The following CNBD1 variants were observed in gnomAD, a reference collection of about 807,000 sequenced individuals.
CNBD1 encodes cyclic nucleotide-binding domain-containing protein 1.
Under a neutral mutation model 54.4 loss-of-function variants are expected in CNBD1, and 71 were observed. The ratio of observed to expected loss-of-function variants is 1.30; its 90% CI spans 1.08 to 1.59. The LOEUF is 1.59. Among genes scored for constraint, CNBD1 ranks in the 40% most tolerant of loss-of-function variants. CNBD1 has a pLI of 0.00. For synonymous variants in CNBD1, 182 were observed against 170.7 expected (o/e 1.07, Z -0.51); for missense variants, 659 against 518.0 (o/e 1.27, Z -2.64).
At chr8:87,318,364 A>T (rs1809445024) in intron 8 of CNBD1, among the ~76,000 whole-genome samples, 1 of 152,098 alleles carries the variant, frequency 6.6e-6, no homozygotes, top group Admixed American at 6.6e-5. Flanking sequence ...ACTCAGCAAC[A>T]ATTTTATATG....
intron 2 of CNBD1, among the ~76,000 whole-genome samples, chr8:87,424,833 C>A (rs1205491200): frequency 6.6e-6 from 1 of 152,088 alleles, no homozygotes; most frequent in East Asian, 1.9e-4. Context: ...ATCTTTGTGG[C>A]ATTCTCTGTA....
intron 2 of CNBD1, among the ~76,000 whole-genome samples, chr8:87,425,835 G>T (rs1292532288): frequency 6.6e-6 from 1 of 152,080 alleles, no homozygotes; most frequent in Non-Finnish European, 1.5e-5. Context: ...CTTGAGCTGT[G>T]GTGGGCTCCA....
intron 4 of CNBD1, among the ~76,000 whole-genome samples, chr8:87,139,574 C>T (rs563121612): frequency 1.3e-5 from 2 of 152,254 alleles, no homozygotes; most frequent in African/African-American, 4.8e-5. Flanking sequence ...GAACAGCCAC[C>T]TTGACTGCTG....
At chr8:87,244,046 CCATGAA>C (rs1267968131) in intron 6 of CNBD1, among the ~76,000 whole-genome samples, 1 of 151,986 alleles carries the variant, frequency 6.6e-6, no homozygotes, top group African/African-American at 2.4e-5. Flanking sequence ...ACATGCGCAC[CCATGAA>C]CAGCCTCAGG....
chr8:87,218,011 T>C (rs776821776), intron 5 of CNBD1, among the ~76,000 whole-genome samples: 1 of 152,104 alleles, frequency 6.6e-6, no homozygotes, highest in African/African-American at 2.4e-5. Flanking sequence ...TTTGGTGGTA[T>C]AGGTGCTTTG....
At chr8:87,213,255 G>A (rs924405725) in intron 5 of CNBD1, among the ~76,000 whole-genome samples, 15 of 152,210 alleles carry the variant, frequency 9.9e-5, no homozygotes, top group Admixed American at 2.6e-4. Flanking sequence ...GGGATTGTAA[G>A]ATGAAGCCAC....
At chr8:86,961,365 A>C (rs576398369) in intron 4 of CNBD1, among the ~76,000 whole-genome samples, 4 of 152,224 alleles carry the variant, frequency 2.6e-5, no homozygotes, top group Non-Finnish European at 4.4e-5. Flanking sequence ...GCCAAACAGC[A>C]CCAAAGGAGA....
intron 4 of CNBD1, among the ~76,000 whole-genome samples, chr8:87,204,267 G>T (rs1813923804): frequency 6.6e-6 from 1 of 152,132 alleles, no homozygotes; most frequent in Non-Finnish European, 1.5e-5. Context: ...AGGTTATGTT[G>T]TAGACATTGT....
intron 4 of CNBD1, among the ~76,000 whole-genome samples, chr8:87,099,034 C>CAAAAAAAAAAAAAA (rs11402011): frequency 4.3e-5 from 1 of 23,064 alleles, no homozygotes. Context: ...GACTGTGTCT[C>CAAAAAAAAAAAAAA]AAAAAAAAAA....
At chr8:87,372,551 G>A (rs1428313487) in intron 10 of CNBD1, among the ~76,000 whole-genome samples, 1 of 151,856 alleles carries the variant, frequency 6.6e-6, no homozygotes. Context: ...CCAAGATTAA[G>A]TTCTTAGAAG....
chr8:87,028,106 GGGT>G (rs1464432955), intron 4 of CNBD1, among the ~76,000 whole-genome samples: 1 of 152,116 alleles, frequency 6.6e-6, no homozygotes, highest in African/African-American at 2.4e-5. Flanking sequence ...GAAACAGCCA[GGGT>G]GCATTCCTCT....
At chr8:87,261,488 C>T (rs908164755) in intron 6 of CNBD1, among the ~76,000 whole-genome samples, 1 of 148,200 alleles carries the variant, frequency 6.7e-6, no homozygotes, top group Non-Finnish European at 1.5e-5. Context: ...TTCACAGAGA[C>T]TCCAGCCCAG....
At chr8:87,174,270 T>G (rs1035220055) in intron 4 of CNBD1, among the ~76,000 whole-genome samples, 4 of 152,134 alleles carry the variant, frequency 2.6e-5, no homozygotes, top group African/African-American at 9.7e-5. Context: ...TTTTTTATTC[T>G]TTTTTCTTTT....
chr8:87,407,184 T>C (rs916952686), intron 2 of CNBD1, among the ~76,000 whole-genome samples: 1 of 152,112 alleles, frequency 6.6e-6, no homozygotes, highest in Non-Finnish European at 1.5e-5. Flanking sequence ...CCTATCTGTA[T>C]CTTCAAAGTT....
chr8:86,933,430 A>C (rs372347980), intron 3 of CNBD1, among the ~76,000 whole-genome samples: 2 of 152,220 alleles, frequency 1.3e-5, no homozygotes, highest in African/African-American at 4.8e-5. Context: ...TGAATTAGTC[A>C]TTAAATCTCA....
intron 2 of CNBD1, chr8:87,428,534 G>T (rs1300287763): frequency 4.6e-6 from 2 of 439,060 alleles, no homozygotes; most frequent in South Asian, 3.3e-5. Flanking sequence ...GTTTTCTTCT[G>T]TTTTCATCTA....
intron 2 of CNBD1, among the ~76,000 whole-genome samples, chr8:86,890,537 C>T (rs72663118): frequency 0.056 from 8,563 of 152,146 alleles, 320 homozygotes; most frequent in Non-Finnish European, 0.086. Flanking sequence ...AACAGTGCTG[C>T]CATAAACATG....
At chr8:87,128,920 T>TA (rs71277914) in intron 4 of CNBD1, among the ~76,000 whole-genome samples, 16,680 of 126,276 alleles carry the variant, frequency 0.13, 1,280 homozygotes, top group Middle Eastern at 0.2. Context: ...CGTCTCCACT[T>TA]AAAAAAAAAA....
At chr8:87,271,506 T>C (rs1348955388) in intron 6 of CNBD1, among the ~76,000 whole-genome samples, 1 of 151,918 alleles carries the variant, frequency 6.6e-6, no homozygotes, top group Non-Finnish European at 1.5e-5. Flanking sequence ...CATTGACCTA[T>C]TGGTCATTCA....
Sources: allele counts gnomAD v4.1 joint callset (sites outside exome capture counted in the v4.1 genomes callset), GRCh38; gene constraint gnomAD v4.1.1; transcripts MANE v1.5; gene names NCBI Gene and HGNC (gene_info 2026-07-23, HGNC 2026-07-21).